ANKRD55: variants seen among roughly 807,000 people sequenced by gnomAD.
The protein encoded by ANKRD55 is ankyrin repeat domain-containing protein 55.
Under a neutral mutation model 60.6 loss-of-function variants are expected in ANKRD55, and 41 were observed. That is an observed-to-expected ratio of 0.68 (90% CI 0.53 to 0.88). The LOEUF is 0.88. Ranked by LOEUF, ANKRD55 falls within the 40% of genes least tolerant of loss-of-function variation. The pLI is 0.00. For missense variants in ANKRD55, 732 were observed against 767.6 expected (o/e 0.95, Z 0.55); for synonymous variants, 264 against 290.3 (o/e 0.91, Z 0.92).
chr5:56,119,679 C>T (rs985788857), intron 8 of ANKRD55, among the ~76,000 whole-genome samples: 17 of 152,200 alleles, frequency 1.1e-4, no homozygotes, highest in African/African-American at 3.9e-4. Flanking sequence ...CTTCGGGAGG[C>T]AGAGGTGGGA....
At chr5:56,115,267 A>G (rs1756853837) in intron 9 of ANKRD55, among the ~76,000 whole-genome samples, 5 of 151,542 alleles carry the variant, frequency 3.3e-5, no homozygotes, top group Admixed American at 3.3e-4. Flanking sequence ...AAAACAAAAC[A>G]CATTACATCG....
intron 4 of ANKRD55, 53 bp from the exon 5 acceptor site, chr5:56,170,856 G>A: frequency 2.7e-6 from 4 of 1,501,932 alleles, no homozygotes; most frequent in Non-Finnish European, 3.7e-6. Flanking sequence ...ACGTAACATG[G>A]TCCAACAAAC....
intron 9 of ANKRD55, among the ~76,000 whole-genome samples, chr5:56,116,066 G>A (rs1260941638): frequency 6.6e-6 from 1 of 151,982 alleles, no homozygotes; most frequent in Non-Finnish European, 1.5e-5. Context: ...TGTTGGCCAG[G>A]CTGGTCTCGA....
intron 2 of ANKRD55, among the ~76,000 whole-genome samples, chr5:56,187,373 G>A (rs1758995937): frequency 6.6e-6 from 1 of 152,218 alleles, no homozygotes. Context: ...AGAGCACAGC[G>A]GGAGGGACAA....
intron 4 of ANKRD55, among the ~76,000 whole-genome samples, chr5:56,174,786 C>T (rs1269670891): frequency 1.4e-5 from 2 of 147,956 alleles, no homozygotes; most frequent in African/African-American, 2.5e-5. Flanking sequence ...GAGCTGAGAT[C>T]GCACCACTGC....
At chr5:56,127,162 C>T (rs969622052) in intron 7 of ANKRD55, 56 bp from the exon 8 acceptor site, 81 of 1,361,868 alleles carry the variant, frequency 5.9e-5, no homozygotes, top group Non-Finnish European at 7.3e-5. Context: ...TCTTCTCTGT[C>T]TAGGCATGTT....
At chr5:56,162,309 C>T (rs369689481) in intron 5 of ANKRD55, among the ~76,000 whole-genome samples, 1 of 152,190 alleles carries the variant, frequency 6.6e-6, no homozygotes, top group African/African-American at 2.4e-5. Context: ...CTTTCAAAGC[C>T]ATTCTCTTCT....
At chr5:56,181,305 A>C (rs1236743686) in intron 3 of ANKRD55, among the ~76,000 whole-genome samples, 1 of 152,170 alleles carries the variant, frequency 6.6e-6, no homozygotes, top group Admixed American at 6.5e-5. Context: ...AAAGCACTCA[A>C]ACTTTCACCG....
chr5:56,140,952 A>G (rs1243975610), intron 7 of ANKRD55, among the ~76,000 whole-genome samples: 1 of 152,028 alleles, frequency 6.6e-6, no homozygotes, highest in East Asian at 1.9e-4. Context: ...AATTCCAGCT[A>G]CTTAGGAGCC....
intron 2 of ANKRD55, among the ~76,000 whole-genome samples, chr5:56,215,822 G>C (rs909674804): frequency 6.6e-6 from 1 of 152,142 alleles, no homozygotes; most frequent in Non-Finnish European, 1.5e-5. Context: ...CCTGGTACAT[G>C]GGAACTGCTT....
chr5:56,209,846 C>T (rs1759618341), intron 2 of ANKRD55, among the ~76,000 whole-genome samples: 1 of 152,184 alleles, frequency 6.6e-6, no homozygotes, highest in African/African-American at 2.4e-5. Context: ...ATGGATTTGA[C>T]TCTTTGTGAA....
At chr5:56,103,412 G>A (rs978827175) in intron 10 of ANKRD55, among the ~76,000 whole-genome samples, 5 of 152,056 alleles carry the variant, frequency 3.3e-5, no homozygotes, top group African/African-American at 9.7e-5. Context: ...TTTAAGATAC[G>A]GATGTTCGAT....
At chr5:56,122,102 A>G (rs770083337) in intron 8 of ANKRD55, among the ~76,000 whole-genome samples, 13 of 152,230 alleles carry the variant, frequency 8.5e-5, no homozygotes, top group Non-Finnish European at 1.5e-4. Context: ...GCTGGGAGAT[A>G]GAGTTGCATC....
At chr5:56,161,367 C>T (rs991547056) in intron 5 of ANKRD55, among the ~76,000 whole-genome samples, 1 of 152,204 alleles carries the variant, frequency 6.6e-6, no homozygotes, top group South Asian at 2.1e-4. Flanking sequence ...GGAGGAAATT[C>T]AGAAATTGCT....
In ANKRD55 at chr5:56,166,158, T is replaced by TTTCTTCCTTCCTTCC. The variant is rs1554040812; in HGVS notation, c.422+4535_422+4536insGGAAGGAAGGAAGAA. Among the ~76,000 whole-genome samples, 626 of 72,440 alleles carry TTTCTTCCTTCCTTCC rather than the reference T, an allele frequency of 8.6e-3. 50 individuals carry two copies. The highest frequency in any genetic ancestry group is 9.0e-3 in the Non-Finnish European group (348 of 38,660). The allele number at this position is 72,440 out of a possible 152,430, so 47.5% of individuals were successfully genotyped here. A position where few individuals can be genotyped will look rare whatever the true frequency, so the allele number is the denominator to read the frequency against. On this transcript the variant is annotated intron_variant, in intron 5 of 11. Coordinates refer to ENST00000341048, the MANE Select transcript of ANKRD55 (RefSeq NM_024669.3). The stretch of plus-strand genomic sequence containing the variant: ...TCTTTCTTTCTTTCTTTCTTTCTTC[T>TTTCTTCCTTCCTTCC]TTCCTTCCTTCCTTCCTTCCTTCCT...
chr5:56,173,582 C>CTCTCTATA (rs1484157730), intron 4 of ANKRD55, among the ~76,000 whole-genome samples: 8 of 45,238 alleles, frequency 1.8e-4, no homozygotes, highest in South Asian at 1.5e-3. Flanking sequence ...CTCTCTCTCT[C>CTCTCTATA]TATATATATA....
At chr5:56,214,900 A>G (rs576367290) in intron 2 of ANKRD55, among the ~76,000 whole-genome samples, 143 of 152,244 alleles carry the variant, frequency 9.4e-4, no homozygotes, top group Non-Finnish European at 1.7e-3. Context: ...TTTAAAAATA[A>G]TATTAAGTGA....
intron 2 of ANKRD55, among the ~76,000 whole-genome samples, chr5:56,232,333 C>T (rs564646294): frequency 6.6e-6 from 1 of 152,210 alleles, no homozygotes; most frequent in Non-Finnish European, 1.5e-5. Flanking sequence ...CATTACACAA[C>T]CTTGGATGAG....
At chr5:56,174,244 G>A (rs1758686979) in intron 4 of ANKRD55, among the ~76,000 whole-genome samples, 1 of 152,152 alleles carries the variant, frequency 6.6e-6, no homozygotes, top group African/African-American at 2.4e-5. Context: ...TGATTTAGAG[G>A]AGTACTTCTT....
Sources: gnomAD v4.1 joint callset for allele counts (sites outside exome capture counted in the v4.1 genomes callset) on GRCh38, gnomAD v4.1.1 for gene constraint, MANE v1.5 for transcripts, NCBI Gene and HGNC (gene_info 2026-07-23, HGNC 2026-07-21) for gene names.